Variants in MKRN1 observed in about 807,000 individuals in gnomAD.
MKRN1 encodes the protein E3 ubiquitin-protein ligase makorin-1.
A neutral mutation model predicts 55.5 loss-of-function variants in MKRN1; 9 were observed. The observed-to-expected ratio is 0.16, with a 90% CI of 0.10 to 0.28. MKRN1 has a LOEUF of 0.28. Ranked by LOEUF, MKRN1 falls within the 10% of genes least tolerant of loss-of-function variation. The pLI, the probability that MKRN1 is intolerant of heterozygous loss-of-function variation, is 1.00. For synonymous variants in MKRN1, 253 were observed against 235.9 expected, an observed-to-expected ratio of 1.07 and a Z score of -0.66; for missense variants, 488 against 626.7, an observed-to-expected ratio of 0.78 and a Z score of 2.36.
At chr7:140,463,635 C>T (rs538028747) in intron 2 of MKRN1, among the ~76,000 whole-genome samples, 4 of 152,190 alleles carry the variant, frequency 2.6e-5, no homozygotes, top group Admixed American at 2.0e-4. Flanking sequence ...CCTGTAATCC[C>T]AGCACTTTGG....
At chr7:140,455,029 C>CA in intron 7 of MKRN1, 66 bp downstream of exon 7, 4 of 1,579,648 alleles carry the variant, frequency 2.5e-6, no homozygotes, top group Non-Finnish European at 3.5e-6. Context: ...TCCCCTACCC[C>CA]AATATGTGCA....
chr7:140,474,054 A>T (rs1434746100), intron 1 of MKRN1, among the ~76,000 whole-genome samples: 1 of 129,878 alleles, frequency 7.7e-6, no homozygotes, highest in Non-Finnish European at 1.6e-5. Flanking sequence ...AGAAAGAAAG[A>T]AAGAAAGAAA....
intron 2 of MKRN1, among the ~76,000 whole-genome samples, chr7:140,461,551 T>C (rs1260347980): frequency 6.6e-6 from 1 of 151,684 alleles, no homozygotes; most frequent in Non-Finnish European, 1.5e-5. Flanking sequence ...ATAACAGTTG[T>C]TTAAACATGG....
rs1794377819 is a variant in MKRN1 at position 140,453,164 on chromosome 7, G to T, written c.*1353C>A. 6.6e-6 allele frequency: 1 copy of T among 152,566 alleles called. No individual in the cohort carries two copies. The highest frequency in any genetic ancestry group is 1.5e-5 in the Non-Finnish European group (1 of 68,038). The allele number at this position is 152,566 out of a possible 1,614,324, so 9.5% of individuals were successfully genotyped here. A position where few individuals can be genotyped will look rare whatever the true frequency, so the allele number is the denominator to read the frequency against. On this transcript the variant is annotated 3_prime_UTR_variant, in exon 8 of 8. Coordinates refer to ENST00000255977, the MANE Select transcript of MKRN1 (RefSeq NM_013446.4). ...TTTCTTAAAGTGAAAGAATGGGTGGGATCCAAGGAATCAAAGCAGTAGATG... is the reference window on the plus strand; with the variant it reads ...TTTCTTAAAGTGAAAGAATGGGTGGTATCCAAGGAATCAAAGCAGTAGATG...
chr7:140,479,149 C>A lies in MKRN1; in HGVS notation c.185+11G>T. On this transcript the variant is annotated intron_variant, in intron 1 of 7. Transcript: ENST00000255977. ...TCCCCGCGCCCGGCGCTCCGCCGCG[C>A]AACGTCCTACCTGCAGGTGACCTGT... 7.5e-7 allele frequency: 1 copy of A among 1,339,448 alleles called. No homozygotes were observed. Among genetic ancestry groups the A allele is most frequent in the Non-Finnish European group, 9.6e-7 (1 of 1,046,344 alleles). 83.0% of individuals were successfully genotyped at this position (1,339,448 alleles called of 1,614,324 possible).
intron 2 of MKRN1, among the ~76,000 whole-genome samples, chr7:140,468,701 C>CAAAAAAAAAAAA (rs528725182): frequency 3.1e-4 from 10 of 32,124 alleles, no homozygotes; most frequent in Admixed American, 7.6e-4. Context: ...CTCTGTCTCA[C>CAAAAAAAAAAAA]AAAAAAAAAA....
At chr7:140,473,706 T>C (rs947596950) in intron 1 of MKRN1, 1 of 152,396 alleles carries the variant, frequency 6.6e-6, no homozygotes. Context: ...TAGAAAAAGG[T>C]AGAAAGCCGG....
Position 140,454,500 on chromosome 7 carries a change from C to T in MKRN1, c.*17G>A, listed in dbSNP as rs778629902. The T allele has an allele frequency of 1.4e-5, 22 of 1,606,050 alleles. No homozygotes were observed. Among genetic ancestry groups the T allele is most frequent in the Non-Finnish European group, 1.8e-5 (21 of 1,176,696 alleles). ...TGTCTGAGGTCAGCAGACCAGTTCA[C>T]ACGCCACGCAAGGTTGCTATAGATC... On this transcript the variant is annotated 3_prime_UTR_variant, in exon 8 of 8. Coordinates refer to ENST00000255977, the MANE Select transcript of MKRN1 (RefSeq NM_013446.4).
intron 1 of MKRN1, among the ~76,000 whole-genome samples, chr7:140,476,548 T>G (rs1310503292): frequency 5.6e-4 from 84 of 148,992 alleles, no homozygotes; most frequent in African/African-American, 1.7e-3. Context: ...AAGTTTTGTT[T>G]TTTTTTTTTT....
In MKRN1 at chr7:140,463,630, A is replaced by G. The variant is rs1000744081; in HGVS notation, c.315-3694T>C. The stretch of plus-strand genomic sequence containing the variant: ...GCTGGACGCGGTGGCTCACGCCTGT[A>G]ATCCCAGCACTTTGGGAGGCCAAGG... On this transcript the variant is annotated intron_variant, in intron 2 of 7. Transcript: ENST00000255977. Among the ~76,000 whole-genome samples the G allele has an allele frequency of 4.6e-5, 7 of 152,224 alleles. No homozygotes were observed. The East Asian group carries it at 1.4e-3, about 30-fold the overall frequency.
At chr7:140,462,135 C>T (rs989197072) in intron 2 of MKRN1, among the ~76,000 whole-genome samples, 3 of 152,178 alleles carry the variant, frequency 2.0e-5, no homozygotes, top group African/African-American at 7.2e-5. Context: ...TCAAGCAATC[C>T]GTCTGCCTTA....
intron 2 of MKRN1, chr7:140,460,176 GAC>G (rs1563088979): frequency 2.2e-6 from 1 of 452,550 alleles, no homozygotes; most frequent in African/African-American, 2.1e-5. Context: ...GAACCCAGGA[GAC>G]AGAGGTTGTG....
chr7:140,476,931 T>C (rs1795136178), intron 1 of MKRN1, among the ~76,000 whole-genome samples: 1 of 151,590 alleles, frequency 6.6e-6, no homozygotes, highest in African/African-American at 2.4e-5. Context: ...AATACAAAAT[T>C]AGTCAGGTGG....
intron 1 of MKRN1, chr7:140,472,301 G>A (rs753625864): frequency 6.4e-5 from 22 of 344,768 alleles, no homozygotes; most frequent in Non-Finnish European, 1.1e-4. Context: ...TGGTGTGGTG[G>A]CACACATGTT....
chr7:140,465,131 C>T (rs932110373), intron 2 of MKRN1, among the ~76,000 whole-genome samples: 1 of 152,152 alleles, frequency 6.6e-6, no homozygotes, highest in Admixed American at 6.5e-5. Flanking sequence ...CACCCCATTG[C>T]TTCTGTGGCC....
At chr7:140,466,828 A>AG (rs1554448651) in intron 2 of MKRN1, among the ~76,000 whole-genome samples, 1 of 151,272 alleles carries the variant, frequency 6.6e-6, no homozygotes, top group Non-Finnish European at 1.5e-5. Flanking sequence ...AAAAAAAAAA[A>AG]AAAAAGAATA....
intron 1 of MKRN1, among the ~76,000 whole-genome samples, chr7:140,474,797 C>A (rs935902628): frequency 6.6e-6 from 1 of 151,362 alleles, no homozygotes; most frequent in Non-Finnish European, 1.5e-5. Context: ...TGGCTCACTG[C>A]AGCCTCTGCC....
intron 2 of MKRN1, among the ~76,000 whole-genome samples, chr7:140,468,002 CAAAAA>C (rs566154288): frequency 1.1e-5 from 1 of 88,770 alleles, no homozygotes; most frequent in African/African-American, 4.1e-5. Context: ...AATTCTGTCT[CAAAAA>C]AAAAAAAAAA....
rs930455656 is a variant in MKRN1 at position 140,453,109 on chromosome 7, TAC to T, written c.*1406_*1407del. 5.2e-5 allele frequency: 8 copies of T among 152,526 alleles called. No homozygotes were observed. Among genetic ancestry groups the T allele is most frequent in the African/African-American group, 1.4e-4 (6 of 41,412 alleles). The allele number at this position is 152,526 out of a possible 1,614,324, so 9.4% of individuals were successfully genotyped here. On this transcript the variant is annotated 3_prime_UTR_variant, in exon 8 of 8. Coordinates refer to ENST00000255977, the MANE Select transcript of MKRN1 (RefSeq NM_013446.4). ...TTCTTACAAAAGGGCAGCTGCAAAATACAGAGACCTCTGCAACAATTATTTGT... is the reference window on the plus strand; with the variant it reads ...TTCTTACAAAAGGGCAGCTGCAAAATAGAGACCTCTGCAACAATTATTTGT...
Sources: allele counts gnomAD v4.1 joint callset (sites outside exome capture counted in the v4.1 genomes callset), GRCh38; gene constraint gnomAD v4.1.1; transcripts MANE v1.5; gene names NCBI Gene and HGNC (gene_info 2026-07-23, HGNC 2026-07-21).